Variants in PTDSS1 observed in about 807,000 individuals in gnomAD.
PTDSS1 encodes the protein PSS-1.
PTDSS1 carries 45 observed loss-of-function variants against 70.5 expected under a neutral mutation model. That is an observed-to-expected ratio of 0.64 (90% CI 0.50 to 0.82). PTDSS1 has a LOEUF of 0.82. Ranked by LOEUF, PTDSS1 falls within the 40% of genes least tolerant of loss-of-function variation. The probability of loss-of-function intolerance (pLI) is 0.00; values close to 1 mark genes in which losing one functional copy is unlikely to be tolerated. For missense variants in PTDSS1, 417 were observed against 586.1 expected, an observed-to-expected ratio of 0.71 and a Z score of 2.98; for synonymous variants, 188 against 203.8, an observed-to-expected ratio of 0.92 and a Z score of 0.66.
rs1810450353 is a variant in PTDSS1 at position 96,263,891 on chromosome 8, A to G, written c.179+1672A>G. Among the ~76,000 whole-genome samples the G allele has an allele frequency of 2.0e-5, 3 of 152,200 alleles. No homozygotes were observed. In the South Asian group the frequency reaches 6.2e-4, roughly 31 times the overall value. Reference sequence around the variant, plus strand: ...TAAAACTAATATCCTCCCACATCACACTTGTTCCTTACCTCTGGGATTCAT... The same window carrying G: ...TAAAACTAATATCCTCCCACATCACGCTTGTTCCTTACCTCTGGGATTCAT... On this transcript the variant is annotated intron_variant, in intron 1 of 12. Transcript: ENST00000517309.
intron 6 of PTDSS1, 71 bp downstream of exon 6, chr8:96,299,916 C>T: frequency 6.7e-7 from 1 of 1,487,360 alleles, no homozygotes; most frequent in Non-Finnish European, 9.0e-7. Flanking sequence ...TGGTAGGAAT[C>T]CATTTTAGTA....
At position 96,304,160 on chromosome 8, in the gene PTDSS1, C is replaced by A; in HGVS notation, c.873C>A (p.Tyr291Ter). The change falls in exon 7 of 13, where the codon TAC (tyrosine) becomes TAA (stop). Residue 291 changes from tyrosine to a stop codon, truncating the protein, a stop_gained. Transcript: ENST00000517309. LOFTEE classifies it high-confidence loss of function. ...KSSFQRVAGV[Y>*]LFMIIWQLTE... ...CTTTTCAGAGAGTAGCTGGAGTGTA[C>A]CTTTTCATGATCATCTGGCAGGTAT... 6.2e-7 allele frequency: 1 copy of A among 1,610,008 alleles called. No individual in the cohort carries two copies. Among genetic ancestry groups the A allele is most frequent in the Non-Finnish European group, 8.5e-7 (1 of 1,179,010 alleles).
At chr8:96,315,935 G>A (rs529374092) in intron 9 of PTDSS1, among the ~76,000 whole-genome samples, 1 of 152,320 alleles carries the variant, frequency 6.6e-6, no homozygotes, top group Non-Finnish European at 1.5e-5. Context: ...GTAGGAGGAG[G>A]TATGTGTTCT....
intron 9 of PTDSS1, among the ~76,000 whole-genome samples, chr8:96,319,577 G>A (rs1811345974): frequency 6.6e-6 from 1 of 152,082 alleles, no homozygotes; most frequent in Admixed American, 6.5e-5. Flanking sequence ...CACCAAAAAC[G>A]GGGGCTATTT....
chr8:96,278,232 C>A (rs1431360711), intron 2 of PTDSS1, among the ~76,000 whole-genome samples: 1 of 152,344 alleles, frequency 6.6e-6, no homozygotes, highest in African/African-American at 2.4e-5. Context: ...TGTCTCTTCT[C>A]AACCAGTTCC....
chr8:96,287,172 G>T (rs1188921286), intron 4 of PTDSS1, 26 bp downstream of exon 4: 2 of 1,612,532 alleles, frequency 1.2e-6, no homozygotes. Context: ...TGGCCTCTTG[G>T]AGAAACTCGT....
chr8:96,336,616 G>A lies in PTDSS1; in HGVS notation c.*3050G>A, dbSNP rs1811596648. ...TTACCAGGTGGGCGTTGTTTATATGGTTCTTATTGTTATGACAACTAGAAA... is the reference window on the plus strand; with the variant it reads ...TTACCAGGTGGGCGTTGTTTATATGATTCTTATTGTTATGACAACTAGAAA... On this transcript the variant is annotated 3_prime_UTR_variant, in exon 13 of 13. Transcript: ENST00000517309. 6.6e-6 allele frequency: 1 copy of A among 151,858 alleles called. No individual in the cohort carries two copies. The highest frequency in any genetic ancestry group is 2.1e-4 in the South Asian group (1 of 4,824). The allele number at this position is 151,858 out of a possible 1,614,324, so 9.4% of individuals were successfully genotyped here.
intron 5 of PTDSS1, 63 bp from the exon 6 acceptor site, chr8:96,299,631 A>G (rs563168646): frequency 1.2e-5 from 17 of 1,446,460 alleles, no homozygotes; most frequent in African/African-American, 7.2e-5. Context: ...AAGGAAATCT[A>G]TCTATCTGCA....
intron 9 of PTDSS1, among the ~76,000 whole-genome samples, chr8:96,312,775 C>T (rs1380383030): frequency 6.6e-6 from 1 of 152,192 alleles, no homozygotes; most frequent in African/African-American, 2.4e-5. Context: ...AGTCCACTGC[C>T]AGCCAGGGAA....
chr8:96,272,774 C>G (rs1326973634), intron 1 of PTDSS1, among the ~76,000 whole-genome samples: 5 of 152,160 alleles, frequency 3.3e-5, no homozygotes, highest in African/African-American at 1.2e-4. Flanking sequence ...TAAATGGGAG[C>G]TATTAATGTT....
At chr8:96,312,268 T>C (rs969945008) in intron 9 of PTDSS1, among the ~76,000 whole-genome samples, 6 of 152,214 alleles carry the variant, frequency 3.9e-5, no homozygotes, top group African/African-American at 1.4e-4. Context: ...CTGGGTAACA[T>C]AGCGAGACGT....
chr8:96,296,733 G>T (rs149172137), intron 5 of PTDSS1, among the ~76,000 whole-genome samples: 2 of 152,288 alleles, frequency 1.3e-5, no homozygotes, highest in South Asian at 2.1e-4. Flanking sequence ...CTGTACAGGT[G>T]GGGGATCTGG....
chr8:96,317,604 G>A (rs1355987802), intron 9 of PTDSS1, among the ~76,000 whole-genome samples: 1 of 152,012 alleles, frequency 6.6e-6, no homozygotes, highest in Admixed American at 6.6e-5. Context: ...GCGTAGTGCC[G>A]TGAGCCTGTA....
intron 9 of PTDSS1, among the ~76,000 whole-genome samples, chr8:96,319,753 C>G (rs540688367): frequency 3.3e-5 from 5 of 152,142 alleles, no homozygotes; most frequent in East Asian, 1.9e-4. Context: ...GGTTCCTCCA[C>G]TGAAATGATG....
intron 6 of PTDSS1, among the ~76,000 whole-genome samples, chr8:96,302,159 C>T (rs1485353591): frequency 2.0e-5 from 3 of 151,984 alleles, no homozygotes; most frequent in Non-Finnish European, 2.9e-5. Context: ...CCTGTAATCC[C>T]CAGGTGGGAT....
intron 4 of PTDSS1, 148 bp downstream of exon 4, chr8:96,287,294 G>A: frequency 9.2e-7 from 1 of 1,082,780 alleles, no homozygotes. Context: ...TTGTTGAGTT[G>A]CATGGTTGTC....
At chr8:96,314,794 C>A (rs1811261839) in intron 9 of PTDSS1, among the ~76,000 whole-genome samples, 1 of 152,164 alleles carries the variant, frequency 6.6e-6, no homozygotes, top group Non-Finnish European at 1.5e-5. Context: ...GACGGGGTTT[C>A]ACCATGTTAG....
chr8:96,281,789 C>T (rs1442323960), intron 2 of PTDSS1, among the ~76,000 whole-genome samples: 2 of 152,164 alleles, frequency 1.3e-5, no homozygotes, highest in African/African-American at 4.8e-5. Flanking sequence ...AGCCTGGTGA[C>T]ACAGGAGGCT....
rs1810496605 is a variant in PTDSS1, at chr8:96,267,005, A to G, written c.179+4786A>G. ...ATGCCTCAGCCCACAGAGATTATATACCTAGGAACTGCTGCCTTTCAGACT... is the reference window on the plus strand; with the variant it reads ...ATGCCTCAGCCCACAGAGATTATATGCCTAGGAACTGCTGCCTTTCAGACT... On this transcript the variant is annotated intron_variant, in intron 1 of 12. Coordinates refer to ENST00000517309, the MANE Select transcript of PTDSS1 (RefSeq NM_014754.3). 2.0e-5 allele frequency among the ~76,000 whole-genome samples: 3 copies of G among 152,182 alleles called. No individual in the cohort carries two copies. In the South Asian group the frequency reaches 6.2e-4, roughly 32 times the overall value.
Sources: gnomAD v4.1 joint callset for allele counts (sites outside exome capture counted in the v4.1 genomes callset) on GRCh38, gnomAD v4.1.1 for gene constraint, MANE v1.5 for transcripts, NCBI Gene and HGNC (gene_info 2026-07-23, HGNC 2026-07-21) for gene names.